Variants in ANKRD30B observed in about 807,000 individuals in gnomAD.
ANKRD30B encodes the protein ankyrin repeat domain 30B.
Under a neutral mutation model 202.2 loss-of-function variants are expected in ANKRD30B, and 144 were observed. That is an observed-to-expected ratio of 0.71 (90% CI 0.62 to 0.82). ANKRD30B has a LOEUF of 0.82. Ranked by LOEUF, ANKRD30B falls within the 40% of genes least tolerant of loss-of-function variation. ANKRD30B has a pLI of 0.00. For missense variants in ANKRD30B, 1,487 were observed against 1,669.1 expected, an observed-to-expected ratio of 0.89 and a Z score of 1.90; for synonymous variants, 508 against 561.3, an observed-to-expected ratio of 0.91 and a Z score of 1.34.
In ANKRD30B at chr18:14,748,652, T is replaced by A. The variant is rs749809960; in HGVS notation, c.221+12T>A. On this transcript the variant is annotated intron_variant, in intron 1 of 43. Transcript: ENST00000690538. ...GATATGAAGAAGAGGTACCAGGCCC[T>A]GCCTGAGCCGGGGCTGCAGGAGGAG... The A allele has an allele frequency of 6.5e-7, 1 of 1,528,942 alleles. No homozygotes were observed. Among genetic ancestry groups the A allele is most frequent in the South Asian group, 1.2e-5 (1 of 80,816 alleles). The allele number at this position is 1,528,942 out of a possible 1,614,324, so 94.7% of individuals were successfully genotyped here.
chr18:14,855,929 GA>G, downstream of ANKRD30B, among the ~76,000 whole-genome samples: 1 of 151,012 alleles, frequency 6.6e-6, no homozygotes, highest in South Asian at 2.1e-4. Context: ...CCTCCCAGAT[GA>G]GGCGGCCTGG....
the ANKRD30B span, among the ~76,000 whole-genome samples, chr18:14,937,222 G>T: frequency 6.6e-6 from 1 of 152,174 alleles, no homozygotes; most frequent in Non-Finnish European, 1.5e-5. Context: ...AAAATGAAAA[G>T]AAATCTCAGA....
At chr18:14,816,605 C>G (rs1451725424) in intron 30 of ANKRD30B, 1 of 150,046 alleles carries the variant, frequency 6.7e-6, no homozygotes, top group Non-Finnish European at 1.5e-5. Flanking sequence ...AGATCATGCA[C>G]CTACACTCCA....
chr18:14,923,479 G>C, the ANKRD30B span, among the ~76,000 whole-genome samples: 1 of 152,114 alleles, frequency 6.6e-6, no homozygotes, highest in East Asian at 1.9e-4. Flanking sequence ...TGCCAGCTCA[G>C]CTGCAGTAGA....
At chr18:14,795,333 G>C (rs1053179754) in intron 16 of ANKRD30B, among the ~76,000 whole-genome samples, 17 of 152,184 alleles carry the variant, frequency 1.1e-4, no homozygotes, top group Admixed American at 3.3e-4. Context: ...AGTAGCTGCG[G>C]TTACAGGCAT....
At chr18:14,799,189 A>G (rs755572258) in intron 21 of ANKRD30B, 34 bp from the exon 22 acceptor site, 22 of 1,586,256 alleles carry the variant, frequency 1.4e-5, no homozygotes, top group Non-Finnish European at 1.8e-5. Context: ...AGTATACATT[A>G]TATGTTAATT....
chr18:14,769,262 G>T, intron 7 of ANKRD30B, 81 bp from the exon 8 acceptor site: 1 of 1,096,166 alleles, frequency 9.1e-7, no homozygotes, highest in Non-Finnish European at 1.3e-6. Flanking sequence ...ATTTGCCATC[G>T]TGCCCTCTTA....
At chr18:14,772,338 G>A (rs1054027194) in intron 9 of ANKRD30B, 110 bp downstream of exon 9, 29 of 638,054 alleles carry the variant, frequency 4.5e-5, no homozygotes, top group Non-Finnish European at 6.3e-5. Flanking sequence ...TATAAAGTTG[G>A]TCAGATAAAA....
At chr18:14,860,334 TCACTTCCC>T in the ANKRD30B span, among the ~76,000 whole-genome samples, 2 of 111,432 alleles carry the variant, frequency 1.8e-5, no homozygotes, top group Admixed American at 9.4e-5. Context: ...GTGGCGCTCC[TCACTTCCC>T]AGACAGGGCT....
the ANKRD30B span, among the ~76,000 whole-genome samples, chr18:14,874,387 A>G: frequency 6.6e-6 from 1 of 152,174 alleles, no homozygotes; most frequent in Non-Finnish European, 1.5e-5. Context: ...ACTCATGGCT[A>G]TGAGGCCTTA....
the ANKRD30B span, among the ~76,000 whole-genome samples, chr18:14,893,867 A>G: frequency 1.3e-5 from 2 of 150,828 alleles, no homozygotes; most frequent in African/African-American, 4.9e-5. Flanking sequence ...GCACTCAGTA[A>G]ATTTATTCCC....
At chr18:14,838,511 G>A (rs1198738005) in intron 36 of ANKRD30B, among the ~76,000 whole-genome samples, 2 of 152,148 alleles carry the variant, frequency 1.3e-5, no homozygotes, top group Non-Finnish European at 2.9e-5. Flanking sequence ...TTTAATAAGT[G>A]GACATTTTTT....
chr18:14,770,067 A>T (rs1246206495), intron 8 of ANKRD30B, among the ~76,000 whole-genome samples: 1 of 152,144 alleles, frequency 6.6e-6, no homozygotes, highest in African/African-American at 2.4e-5. Context: ...TTTTTCTTCA[A>T]AGCAGTTCCC....
At chr18:14,849,599 A>T (rs185154150) in intron 40 of ANKRD30B, among the ~76,000 whole-genome samples, 55 of 151,866 alleles carry the variant, frequency 3.6e-4, no homozygotes, top group African/African-American at 1.3e-3. Context: ...TTAAATATTT[A>T]TACTTTTTCT....
At chr18:14,866,850 C>T in the ANKRD30B span, among the ~76,000 whole-genome samples, 3 of 151,908 alleles carry the variant, frequency 2.0e-5, no homozygotes, top group Admixed American at 6.6e-5. Flanking sequence ...TGTGCGCTGT[C>T]GTGCACTACC....
downstream of ANKRD30B, among the ~76,000 whole-genome samples, chr18:14,856,099 C>T (rs564638690): frequency 0.01 from 1,480 of 144,512 alleles, 22 homozygotes; most frequent in African/African-American, 0.036. Context: ...GGCAGAGGCG[C>T]TCCTCACCTC....
intron 9 of ANKRD30B, among the ~76,000 whole-genome samples, chr18:14,772,791 G>T (rs1359499115): frequency 6.8e-6 from 1 of 146,880 alleles, no homozygotes; most frequent in African/African-American, 2.5e-5. Context: ...TCTCTTCTTG[G>T]TTCTTTAATT....
At chr18:14,785,101 A>G (rs977741490) in intron 14 of ANKRD30B, among the ~76,000 whole-genome samples, 1 of 152,178 alleles carries the variant, frequency 6.6e-6, no homozygotes, top group Non-Finnish European at 1.5e-5. Context: ...GAAAGTAATT[A>G]GTCATTTATT....
chr18:14,799,332 G>A (rs1325847375), intron 22 of ANKRD30B, 37 bp downstream of exon 22: 1 of 1,473,396 alleles, frequency 6.8e-7, no homozygotes, highest in Non-Finnish European at 9.1e-7. Context: ...CTGGAATTAA[G>A]AATATTAAAC....
Sources: gnomAD v4.1 joint callset for allele counts (sites outside exome capture counted in the v4.1 genomes callset) on GRCh38, gnomAD v4.1.1 for gene constraint, MANE v1.5 for transcripts, NCBI Gene and HGNC (gene_info 2026-07-23, HGNC 2026-07-21) for gene names.